The following ILK variants were observed in gnomAD, a reference collection of about 807,000 sequenced individuals.
The protein encoded by ILK is integrin linked kinase.
In ILK, 37 loss-of-function variants were observed where a neutral mutation model predicts 57.8. The ratio of observed to expected loss-of-function variants is 0.64; its 90% CI spans 0.49 to 0.84. ILK has a LOEUF of 0.84. ILK is among the 40% of genes least tolerant of loss of function. ILK has a pLI of 0.00. For missense variants in ILK, 528 were observed against 595.7 expected (o/e 0.89, Z 1.18); for synonymous variants, 231 against 202.2 (o/e 1.14, Z -1.21).
rs374150673 is a variant in ILK at position 6,610,296 on chromosome 11, T to C, written c.1209+18T>C. On this transcript the variant is annotated intron_variant, in intron 12 of 12. Transcript: ENST00000299421. ...GAATGAAGGTGAGAGCACAACAGCA[T>C]ACATTTGTGTTGCGGGAGTGGTTGG... 4.3e-6 allele frequency: 7 copies of C among 1,614,010 alleles called. No homozygotes were observed. Among genetic ancestry groups the C allele is most frequent in the African/African-American group, 4.0e-5 (3 of 74,946 alleles).
In ILK at chr11:6,610,736, G is replaced by A; in HGVS notation, c.*125G>A. 1 of 1,377,548 alleles carries A rather than the reference G, an allele frequency of 7.3e-7. No individual in the cohort carries two copies. The allele number at this position is 1,377,548 out of a possible 1,614,324, so 85.3% of individuals were successfully genotyped here. On this transcript the variant is annotated 3_prime_UTR_variant, in exon 13 of 13. Coordinates refer to ENST00000299421, the MANE Select transcript of ILK (RefSeq NM_004517.4). ...AGTCATGGTACTACCCCAGCCATGG[G>A]GTCCATCCCCTTCCCCCATCCCTAC...
At chr11:6,607,621 A>C (rs1589933206) in intron 2 of ILK, 1 of 260,602 alleles carries the variant, frequency 3.8e-6, no homozygotes, top group East Asian at 9.9e-5. Flanking sequence ...CCATTCCCTC[A>C]AGAAACTTAA....
At chr11:6,604,979 T>C (rs575374179) in intron 2 of ILK, 58 of 443,128 alleles carry the variant, frequency 1.3e-4, no homozygotes, top group South Asian at 8.9e-4. Context: ...ATTCCAGAAG[T>C]CTTTAGGACG....
chr11:6,609,699 CTATT>C, intron 9 of ILK, 21 bp from the exon 10 acceptor site: 1 of 1,614,176 alleles, frequency 6.2e-7, no homozygotes, highest in Non-Finnish European at 8.5e-7. Context: ...CCTCTCTGAA[CTATT>C]TGACTTTTGC....
chr11:6,610,842 G>A lies in ILK; in HGVS notation c.*231G>A, dbSNP rs555530162. ...TCCCAACATGGGAGGGATCAGCCCC[G>A]CCTGTCACAATAAAGTTTATTATGA... On this transcript the variant is annotated 3_prime_UTR_variant, in exon 13 of 13. Transcript: ENST00000299421. 2.0e-5 allele frequency: 31 copies of A among 1,530,180 alleles called. No homozygotes were observed. Among genetic ancestry groups the A allele is most frequent in the African/African-American group, 5.5e-5 (4 of 73,258 alleles). 94.8% of individuals were successfully genotyped at this position (1,530,180 alleles called of 1,614,324 possible). A position where few individuals can be genotyped will look rare whatever the true frequency, so the allele number is the denominator to read the frequency against.
chr11:6,607,925 G>A, intron 2 of ILK, 121 bp from the exon 3 acceptor site: 1 of 1,033,102 alleles, frequency 9.7e-7, no homozygotes, highest in East Asian at 2.6e-5. Flanking sequence ...TGGCATGAAT[G>A]AGAATCAAAG....
chr11:6,607,111 C>T (rs1854992720), intron 2 of ILK: 1 of 152,456 alleles, frequency 6.6e-6, no homozygotes, highest in South Asian at 2.1e-4. Context: ...GACCACAACA[C>T]TAAGGCATCC....
Position 6,609,098 on chromosome 11 carries a change from G to A in ILK, c.560G>A (p.Gly187Asp). The A allele has an allele frequency of 6.2e-7, 1 of 1,614,150 alleles. No homozygotes were observed. Among genetic ancestry groups the A allele is most frequent in the Non-Finnish European group, 8.5e-7 (1 of 1,180,006 alleles). ...AATGGAACCCTGAACAAACACTCTG[G>A]CATTGACTTCAAACAGCTTAACTTC... ...PRNGTLNKHSGIDFKQLNFLT... is the reference protein window; with the variant it reads ...PRNGTLNKHSDIDFKQLNFLT... Residue 187 changes from glycine (G) to aspartate (D), a missense_variant, in exon 7 of 13, where the codon GGC becomes GAC. Gly to Asp is a moderately conservative substitution (Grantham distance 94). Coordinates refer to ENST00000299421, the MANE Select transcript of ILK (RefSeq NM_004517.4).
intron 2 of ILK, chr11:6,607,269 CTTTAT>C (rs1357778970): frequency 6.6e-6 from 1 of 152,110 alleles, no homozygotes; most frequent in Non-Finnish European, 1.5e-5. Flanking sequence ...GTATACTTTA[CTTTAT>C]AAAATACATA....
rs1855163073 is a variant in ILK, at chr11:6,608,442, G to A, written c.304G>A (p.Val102Met). Residue 102 changes from valine to methionine, a missense_variant, in exon 4 of 13, where the codon GTG (valine) becomes ATG (methionine). By Grantham distance (21) the Val-to-Met change is conservative (BLOSUM62 1). Coordinates refer to ENST00000299421, the MANE Select transcript of ILK (RefSeq NM_004517.4). The surrounding 1 kb of genome is among the most constrained non-coding windows in gnomAD (Gnocchi z 4.9). Reference protein sequence around the residue: ...DINAVNEHGNVPLHYACFWGQ... With the variant: ...DINAVNEHGNMPLHYACFWGQ... ...CAATGCAGTGAATGAACACGGGAAT[G>A]TGCCCCTGCACTATGCCTGTTTTTG... 3.1e-6 allele frequency: 5 copies of A among 1,614,116 alleles called. No individual in the cohort carries two copies. Among genetic ancestry groups the A allele is most frequent in the East Asian group, 2.2e-5 (1 of 44,900 alleles).
Position 6,610,077 on chromosome 11 carries a change from T to C in ILK, c.1078+42T>C. On this transcript the variant is annotated intron_variant, in intron 11 of 12. Coordinates refer to ENST00000299421, the MANE Select transcript of ILK (RefSeq NM_004517.4). ...TGTCGGGAGGTAAAAAAGGACCACC[T>C]CAGAAGTAGTGGAAGGGGGCAGAGA... is the stretch of plus-strand genomic sequence containing the variant. The C allele has an allele frequency of 1.9e-6, 3 of 1,613,674 alleles. No individual in the cohort carries two copies. The East Asian group carries it at 6.7e-5, about 36-fold the overall frequency.
At position 6,609,757 on chromosome 11, in the gene ILK, T is replaced by C. The variant is rs755535703; in HGVS notation, c.890T>C (p.Phe297Ser). ...FVVDQSQAVK[F>S]ALDMARGMAF... is the part of the protein sequence containing the mutation. Reference sequence around the variant, plus strand: ...GTGGACCAGAGCCAGGCTGTGAAGTTTGCTTTGGACATGGCAAGGGGCATG... The same window carrying C: ...GTGGACCAGAGCCAGGCTGTGAAGTCTGCTTTGGACATGGCAAGGGGCATG... Residue 297 changes from phenylalanine (F) to serine (S), a missense_variant, in exon 10 of 13, where the codon TTT becomes TCT. Physicochemically the swap from Phe to Ser is radical, Grantham distance 155. Transcript: ENST00000299421. 1 of 1,614,190 alleles carries C rather than the reference T, an allele frequency of 6.2e-7. No homozygotes were observed. The highest frequency in any genetic ancestry group is 1.1e-5 in the South Asian group (1 of 91,080).
chr11:6,604,150 A>T, intron 1 of ILK, 30 bp from the exon 2 acceptor site: 1 of 903,802 alleles, frequency 1.1e-6, no homozygotes, highest in Non-Finnish European at 1.7e-6. Context: ...CAGGCCCCCT[A>T]CCCCCAACAC....
chr11:6,608,219 CA>C lies in ILK; in HGVS notation c.255+11del. 2.5e-6 allele frequency: 4 copies of C among 1,614,114 alleles called. No homozygotes were observed. Among genetic ancestry groups the C allele is most frequent in the Non-Finnish European group, 3.4e-6 (4 of 1,179,938 alleles). On this transcript the variant is annotated intron_variant, in intron 3 of 12. Coordinates refer to ENST00000299421, the MANE Select transcript of ILK (RefSeq NM_004517.4). This position sits in a 1 kb window ranked among gnomAD's most constrained non-coding sequence, Gnocchi z 4.9. Reference sequence around the variant, plus strand: ...CGTGATATTGTACAGAAGGTACGTACAAACTCCTTCGTCATCCACATCACAT... The same window carrying C: ...CGTGATATTGTACAGAAGGTACGTACAACTCCTTCGTCATCCACATCACAT...
chr11:6,610,611 G>T lies in ILK; in HGVS notation c.1359G>T (p.Ter453TyrextTer7), dbSNP rs1400986012. Reference sequence around the variant, plus strand: ...TCCTTGAGAAGATGCAGGACAAGTAGGACTGGAAGGTCCTTGCCTGAACTC... The same window carrying T: ...TCCTTGAGAAGATGCAGGACAAGTATGACTGGAAGGTCCTTGCCTGAACTC... ...VPILEKMQDK[*>Y] Residue 453 changes from the stop codon to tyrosine, a stop_lost, in exon 13 of 13, where the codon TAG (stop) becomes TAT (tyrosine). Transcript: ENST00000299421. 1 of 1,614,066 alleles carries T rather than the reference G, an allele frequency of 6.2e-7. No individual in the cohort carries two copies. Among genetic ancestry groups the T allele is most frequent in the African/African-American group, 1.3e-5 (1 of 74,904 alleles).
intron 1 of ILK, 152 bp from the exon 2 acceptor site, chr11:6,604,028 T>C: frequency 1.7e-6 from 1 of 595,900 alleles, no homozygotes; most frequent in South Asian, 1.9e-5. Flanking sequence ...TACCTCTTCG[T>C]CACCCCCTGC....
chr11:6,609,580 C>A lies in ILK; in HGVS notation c.797C>A (p.Thr266Asn). Residue 266 changes from threonine (T) to asparagine (N), a missense_variant, in exon 9 of 13, where the codon ACT becomes AAT. Transcript: ENST00000299421. ...CAGTCTCCACCTGCTCCTCATCCTACTCTCATCACACACTGGATGCCGTAT... is the reference window on the plus strand; with the variant it reads ...CAGTCTCCACCTGCTCCTCATCCTAATCTCATCACACACTGGATGCCGTAT... ...ACQSPPAPHP[T>N]LITHWMPYGS... 6.2e-7 allele frequency: 1 copy of A among 1,614,186 alleles called. No homozygotes were observed.
In ILK at chr11:6,603,801, G is replaced by A. The variant is rs1854539156; in HGVS notation, c.-114G>A. 2 of 357,988 alleles carry A rather than the reference G, an allele frequency of 5.6e-6. No individual in the cohort carries two copies. Among genetic ancestry groups the A allele is most frequent in the South Asian group, 4.9e-5 (1 of 20,334 alleles). 22.2% of individuals were successfully genotyped at this position (357,988 alleles called of 1,614,324 possible). The stretch of plus-strand genomic sequence containing the variant: ...GGCCGGACGGGAGTTCCCCGGAGAA[G>A]GATCCTGCAGCCCGAGTCCCGGTGA... On this transcript the variant is annotated 5_prime_UTR_variant, in exon 1 of 13. Coordinates refer to ENST00000299421, the MANE Select transcript of ILK (RefSeq NM_004517.4).
chr11:6,610,418 G>A (rs1164292113), intron 12 of ILK, 44 bp from the exon 13 acceptor site: 2 of 1,614,014 alleles, frequency 1.2e-6, no homozygotes, highest in Admixed American at 1.7e-5. Flanking sequence ...CTCTCTACAT[G>A]ACAGACTCAA....
Sources: allele counts gnomAD v4.1 joint callset, GRCh38; gene constraint gnomAD v4.1.1; non-coding constraint Gnocchi (gnomAD v3.1); transcripts MANE v1.5; gene names NCBI Gene and HGNC (gene_info 2026-07-23, HGNC 2026-07-21).